EFR3B: variants seen among roughly 807,000 people sequenced by gnomAD.
EFR3B encodes the protein protein EFR3 homolog B.
Under a neutral mutation model 104.7 loss-of-function variants are expected in EFR3B, and 64 were observed. That is an observed-to-expected ratio of 0.61 (90% CI 0.50 to 0.75). The LOEUF is 0.75. Ranked by LOEUF, EFR3B falls within the 30% of genes least tolerant of loss-of-function variation. The pLI is 0.00. For missense variants in EFR3B, 750 were observed against 1,078.5 expected (o/e 0.70, Z 4.27); for synonymous variants, 385 against 417.9 (o/e 0.92, Z 0.96).
chr2:25,075,766 C>T (rs1424616443), intron 1 of EFR3B, among the ~76,000 whole-genome samples: 8 of 152,198 alleles, frequency 5.3e-5, no homozygotes, highest in Non-Finnish European at 1.0e-4. Context: ...GTATCAACCT[C>T]ATAGGGTTTT....
In EFR3B at chr2:25,042,097, CGGAGGCGGCCGCT is replaced by C. The variant is rs2149159675; in HGVS notation, c.-214_-202del. 1 of 321,748 alleles carries C rather than the reference CGGAGGCGGCCGCT, an allele frequency of 3.1e-6. No individual in the cohort carries two copies. The highest frequency in any genetic ancestry group is 1.6e-4 in the South Asian group (1 of 6,434). 19.9% of individuals were successfully genotyped at this position (321,748 alleles called of 1,614,324 possible). A position where few individuals can be genotyped will look rare whatever the true frequency, so the allele number is the denominator to read the frequency against. ...GCGCAGCAGTGCCCAGCAACCCGAG[CGGAGGCGGCCGCT>C]GCAGCCCGGCGCTGAATGGGCTGGC... On this transcript the variant is annotated 5_prime_UTR_variant, in exon 1 of 23. Transcript: ENST00000403714. This position sits in a 1 kb window ranked among gnomAD's most constrained non-coding sequence, Gnocchi z 5.4.
rs1412391246 is a variant in EFR3B at position 25,142,428 on chromosome 2, A to G, written c.1922+995A>G. 5.3e-5 allele frequency among the ~76,000 whole-genome samples: 8 copies of G among 150,574 alleles called. No individual in the cohort carries two copies. The East Asian group carries it at 1.4e-3, about 26-fold the overall frequency. Reference sequence around the variant, plus strand: ...CATGCCACTGCACTCCAGCCTGGGCAACAGAGCAAGACTCTGTCTAAAAAA... The same window carrying G: ...CATGCCACTGCACTCCAGCCTGGGCGACAGAGCAAGACTCTGTCTAAAAAA... On this transcript the variant is annotated intron_variant, in intron 17 of 22. Transcript: ENST00000403714.
intron 1 of EFR3B, among the ~76,000 whole-genome samples, chr2:25,064,180 C>T (rs1668271396): frequency 6.6e-6 from 1 of 152,244 alleles, no homozygotes; most frequent in Non-Finnish European, 1.5e-5. Context: ...GTTTCGGAGG[C>T]TCTGGGCATG....
intron 4 of EFR3B, among the ~76,000 whole-genome samples, chr2:25,120,417 G>A (rs374756417): frequency 1.5e-4 from 23 of 152,130 alleles, no homozygotes; most frequent in African/African-American, 3.6e-4. Flanking sequence ...AGGCTGAGGC[G>A]GGCGGATCAC....
chr2:25,096,296 G>A (rs1293496448), intron 3 of EFR3B, among the ~76,000 whole-genome samples: 2 of 152,152 alleles, frequency 1.3e-5, no homozygotes, highest in African/African-American at 2.4e-5. Flanking sequence ...TTACAGGCGG[G>A]AGCCACCGCG....
intron 4 of EFR3B, among the ~76,000 whole-genome samples, chr2:25,110,523 ATCT>A (rs1016557962): frequency 2.0e-5 from 3 of 151,730 alleles, no homozygotes; most frequent in Non-Finnish European, 4.4e-5. Context: ...TCCTGTGCCC[ATCT>A]TCTTCCTCTC....
chr2:25,132,190 A>G (rs1437121003), intron 10 of EFR3B, among the ~76,000 whole-genome samples: 1 of 152,150 alleles, frequency 6.6e-6, no homozygotes. Context: ...GGAGAGAATG[A>G]AGTCGGGAAA....
Position 25,061,445 on chromosome 2 carries a change from C to T in EFR3B, c.7+19126C>T, listed in dbSNP as rs544916003. 4.0e-5 allele frequency among the ~76,000 whole-genome samples: 6 copies of T among 151,672 alleles called. No homozygotes were observed. The East Asian group carries it at 1.2e-3, about 30-fold the overall frequency. On this transcript the variant is annotated intron_variant, in intron 1 of 22. Transcript: ENST00000403714. ...TGATTTTTGATCGAGCTGCCTCTCA[C>T]ACGGGCAACGTAGATGGCCTACTCA...
chr2:25,109,715 G>A (rs968809079), intron 4 of EFR3B, among the ~76,000 whole-genome samples: 3 of 152,184 alleles, frequency 2.0e-5, no homozygotes, highest in African/African-American at 7.2e-5. Flanking sequence ...GGTGAAGGGG[G>A]AGAGAGGAAT....
Position 25,114,380 on chromosome 2 carries a change from A to G in EFR3B, c.364-7293A>G, listed in dbSNP as rs1196449341. ...GAAGCATCTCCCCACAAGCTGTCAAACCAAGGGATCCTAAGGAGGCTCGAG... is the reference window on the plus strand; with the variant it reads ...GAAGCATCTCCCCACAAGCTGTCAAGCCAAGGGATCCTAAGGAGGCTCGAG... On this transcript the variant is annotated intron_variant, in intron 4 of 22. Transcript: ENST00000403714. The surrounding 1 kb of genome is among the most constrained non-coding windows in gnomAD (Gnocchi z 4.0). Among the ~76,000 whole-genome samples the G allele has an allele frequency of 6.6e-6, 1 of 152,132 alleles. No homozygotes were observed. The highest frequency in any genetic ancestry group is 2.4e-5 in the African/African-American group (1 of 41,428).
chr2:25,049,637 C>T (rs1311581806), intron 1 of EFR3B, among the ~76,000 whole-genome samples: 1 of 152,144 alleles, frequency 6.6e-6, no homozygotes, highest in Non-Finnish European at 1.5e-5. Context: ...GTCATCTGGG[C>T]AGGCTTCAGA....
intron 1 of EFR3B, among the ~76,000 whole-genome samples, chr2:25,074,181 G>C (rs1425613230): frequency 6.6e-6 from 1 of 152,112 alleles, no homozygotes; most frequent in Non-Finnish European, 1.5e-5. Context: ...GGAGGGAGAG[G>C]CTCTGGCATG....
intron 3 of EFR3B, among the ~76,000 whole-genome samples, chr2:25,096,162 C>T (rs1015605334): frequency 1.3e-5 from 2 of 152,130 alleles, no homozygotes; most frequent in African/African-American, 4.8e-5. Flanking sequence ...ACTACAGGCA[C>T]GTGCCACCAC....
At chr2:25,149,426 G>A (rs938616008) in intron 19 of EFR3B, among the ~76,000 whole-genome samples, 1 of 152,170 alleles carries the variant, frequency 6.6e-6, no homozygotes, top group African/African-American at 2.4e-5. Context: ...AGGGAGCAGG[G>A]GACAGTGTGT....
intron 1 of EFR3B, among the ~76,000 whole-genome samples, chr2:25,063,871 C>T (rs1280529822): frequency 6.6e-6 from 1 of 152,190 alleles, no homozygotes; most frequent in Non-Finnish European, 1.5e-5. Flanking sequence ...CTCTTTCCAG[C>T]TGCGTTCTCA....
intron 1 of EFR3B, among the ~76,000 whole-genome samples, chr2:25,046,539 G>A (rs1667723052): frequency 8.4e-6 from 1 of 119,388 alleles, no homozygotes; most frequent in Admixed American, 8.7e-5. Context: ...GAGTCTCGCT[G>A]TCGCCCAGGC....
chr2:25,108,765 G>A (rs1234989974), intron 4 of EFR3B, among the ~76,000 whole-genome samples: 4 of 152,136 alleles, frequency 2.6e-5, no homozygotes, highest in Non-Finnish European at 5.9e-5. Context: ...TTGGGAGGCC[G>A]AGGTGGGTGG....
At chr2:25,125,825 G>A (rs1255747575) in intron 5 of EFR3B, among the ~76,000 whole-genome samples, 1 of 152,210 alleles carries the variant, frequency 6.6e-6, no homozygotes, top group Non-Finnish European at 1.5e-5. Flanking sequence ...GCGGGCGCCT[G>A]TAGTCCCAGC....
intron 3 of EFR3B, among the ~76,000 whole-genome samples, chr2:25,094,884 G>A (rs1008287932): frequency 6.6e-6 from 1 of 152,012 alleles, no homozygotes; most frequent in Non-Finnish European, 1.5e-5. Flanking sequence ...CAGCCTCCTG[G>A]GCTCAAGACG....
Sources: allele counts gnomAD v4.1 joint callset (sites outside exome capture counted in the v4.1 genomes callset), GRCh38; gene constraint gnomAD v4.1.1; non-coding constraint Gnocchi (gnomAD v3.1); transcripts MANE v1.5; gene names NCBI Gene and HGNC (gene_info 2026-07-23, HGNC 2026-07-21).